MAP3K7CL: variants seen among roughly 807,000 people sequenced by gnomAD.
MAP3K7CL encodes the protein MAP3K7 C-terminal-like protein.
Under a neutral mutation model 18.6 loss-of-function variants are expected in MAP3K7CL, and 16 were observed. The ratio of observed to expected loss-of-function variants is 0.86; its 90% CI spans 0.58 to 1.31. The LOEUF is 1.31. Among genes scored for constraint, MAP3K7CL ranks in the 50% most tolerant of loss-of-function variants. The probability of loss-of-function intolerance (pLI) is 0.00; values close to 1 mark genes in which losing one functional copy is unlikely to be tolerated. For missense variants in MAP3K7CL, 163 were observed against 174.4 expected (o/e 0.93, Z 0.37); for synonymous variants, 65 against 66.8 (o/e 0.97, Z 0.13).
chr21:29,126,607 C>T (rs372347136), upstream of MAP3K7CL, among the ~76,000 whole-genome samples: 17 of 151,996 alleles, frequency 1.1e-4, no homozygotes, highest in African/African-American at 2.9e-4. Context: ...TACAGGCACT[C>T]GCCACCACGC....
chr21:29,079,560 GC>G (rs1241101276), intron 1 of MAP3K7CL, among the ~76,000 whole-genome samples: 5 of 152,206 alleles, frequency 3.3e-5, no homozygotes, highest in Non-Finnish European at 7.3e-5. Context: ...GCCACAAAAA[GC>G]CCCCAGGTTC....
At chr21:29,170,421 T>C (rs1377715995) in intron 4 of MAP3K7CL, among the ~76,000 whole-genome samples, 1 of 152,172 alleles carries the variant, frequency 6.6e-6, no homozygotes, top group Non-Finnish European at 1.5e-5. Context: ...TCAAAATTAA[T>C]GACAGATAGC....
intron 4 of MAP3K7CL, chr21:29,108,904 A>G (rs1414426881): frequency 9.4e-6 from 7 of 748,292 alleles, no homozygotes; most frequent in African/African-American, 3.5e-5. Context: ...AGTCAGCTCC[A>G]ATGGTGTGAA....
upstream of MAP3K7CL, among the ~76,000 whole-genome samples, chr21:29,082,593 G>A (rs1601113277): frequency 1.3e-5 from 2 of 152,250 alleles, no homozygotes; most frequent in Middle Eastern, 6.8e-3. Context: ...GGGTGCCAAG[G>A]GAGCAAGCAG....
At chr21:29,162,683 CAAAAA>C (rs34759620) in intron 4 of MAP3K7CL, among the ~76,000 whole-genome samples, 1 of 122,488 alleles carries the variant, frequency 8.2e-6, no homozygotes. Context: ...AACTCTGTCT[CAAAAA>C]AAAAAAAAAA....
intron 2 of MAP3K7CL, among the ~76,000 whole-genome samples, chr21:29,145,332 A>G (rs544701297): frequency 6.6e-5 from 10 of 152,288 alleles, no homozygotes; most frequent in Admixed American, 1.3e-4. Flanking sequence ...GCTACTGTAC[A>G]GTCTACTTTA....
intron 4 of MAP3K7CL, among the ~76,000 whole-genome samples, chr21:29,166,471 G>C (rs1169252272): frequency 6.6e-6 from 1 of 152,182 alleles, no homozygotes. Context: ...GTGGTTTTCA[G>C]TATATTCACA....
At chr21:29,108,803 G>A (rs1024186562) in intron 4 of MAP3K7CL, among the ~76,000 whole-genome samples, 2 of 152,190 alleles carry the variant, frequency 1.3e-5, no homozygotes, top group Non-Finnish European at 2.9e-5. Context: ...AGTATTGTTG[G>A]TGGTGTTATT....
upstream of MAP3K7CL, among the ~76,000 whole-genome samples, chr21:29,126,874 C>T (rs149387272): frequency 7.0e-4 from 106 of 152,224 alleles, 1 homozygote; most frequent in South Asian, 2.5e-3. Flanking sequence ...TGGAGACTAC[C>T]GGCCGTATAT....
upstream of MAP3K7CL, among the ~76,000 whole-genome samples, chr21:29,125,874 G>A (rs764280738): frequency 2.8e-4 from 43 of 152,208 alleles, no homozygotes; most frequent in Middle Eastern, 3.2e-3. Flanking sequence ...AACAGGTCCC[G>A]TGGCACTTTC....
At chr21:29,103,330 G>A (rs2086265265) in intron 4 of MAP3K7CL, among the ~76,000 whole-genome samples, 1 of 152,056 alleles carries the variant, frequency 6.6e-6, no homozygotes, top group Non-Finnish European at 1.5e-5. Context: ...GGTGGCTCAC[G>A]TCTGTCATCC....
chr21:29,125,780 C>T (rs2086671301), upstream of MAP3K7CL, among the ~76,000 whole-genome samples: 2 of 152,132 alleles, frequency 1.3e-5, no homozygotes, highest in Admixed American at 1.3e-4. Context: ...ACCTGGGAAA[C>T]CTTACCTGAC....
rs563422242 is a variant in MAP3K7CL, at chr21:29,107,078, G to T, written c.370+14497G>T. Among the ~76,000 whole-genome samples the T allele has an allele frequency of 6.6e-5, 10 of 152,298 alleles. No homozygotes were observed. The South Asian group carries it at 2.1e-3, about 32-fold the overall frequency. On this transcript the variant is annotated intron_variant, in intron 4 of 6. Transcript: ENST00000286791. ...CACGCCTGTAATCTCAGCACTTTGG[G>T]AGGCCGAGGCGGGTGGATCATGAGG... is the stretch of plus-strand genomic sequence containing the variant.
chr21:29,120,192 T>G (rs2086569004), intron 4 of MAP3K7CL, among the ~76,000 whole-genome samples: 1 of 152,144 alleles, frequency 6.6e-6, no homozygotes, highest in African/African-American at 2.4e-5. Context: ...TTCTTTTTTT[T>G]TTTGAGACAG....
chr21:29,086,081 A>G (rs1232505130), intron 1 of MAP3K7CL, among the ~76,000 whole-genome samples: 4 of 152,114 alleles, frequency 2.6e-5, no homozygotes, highest in Admixed American at 1.3e-4. Context: ...TCGGCAGACT[A>G]TTTGTTAAGG....
At chr21:29,134,068 G>C (rs1489766234) in intron 2 of MAP3K7CL, among the ~76,000 whole-genome samples, 2 of 152,196 alleles carry the variant, frequency 1.3e-5, no homozygotes, top group African/African-American at 4.8e-5. Flanking sequence ...GGAAAGGAAG[G>C]CTTGGCTCTC....
chr21:29,133,348 A>T lies in MAP3K7CL; in HGVS notation c.4A>T (p.Ile2Phe). Residue 2 changes from isoleucine (I) to phenylalanine (F), a missense_variant, in exon 2 of 5, where the codon ATC becomes TTC. Coordinates refer to ENST00000399928, the MANE Select transcript of MAP3K7CL (RefSeq NM_001286620.2). ...AGGCGGAGGCTCAGGTGCCCACATG[A>T]TCAGCACAGCCAGGGTACCTGCTGA... M[I>F]STARVPADKP... 6.4e-7 allele frequency: 1 copy of T among 1,550,426 alleles called. No homozygotes were observed. Among genetic ancestry groups the T allele is most frequent in the South Asian group, 1.2e-5 (1 of 84,028 alleles).
At chr21:29,149,280 TC>T (rs1268215339) in intron 3 of MAP3K7CL, 30 bp downstream of exon 3, 11 of 1,592,162 alleles carry the variant, frequency 6.9e-6, no homozygotes, top group Admixed American at 3.3e-5. Context: ...CTCTCTTCTT[TC>T]CTCCTTAGTG....
At chr21:29,165,529 A>G (rs1296988354) in intron 4 of MAP3K7CL, among the ~76,000 whole-genome samples, 9 of 151,946 alleles carry the variant, frequency 5.9e-5, no homozygotes, top group Non-Finnish European at 1.2e-4. Context: ...TATTATCCTT[A>G]TGTCTTTGCA....
Sources: gnomAD v4.1 joint callset for allele counts (sites outside exome capture counted in the v4.1 genomes callset) on GRCh38, gnomAD v4.1.1 for gene constraint, MANE v1.5 for transcripts, NCBI Gene and HGNC (gene_info 2026-07-23, HGNC 2026-07-21) for gene names.